The following MACROD2 variants were observed in gnomAD, a reference collection of about 807,000 sequenced individuals.
MACROD2 encodes the protein ADP-ribose glycohydrolase MACROD2.
Under a neutral mutation model 70.4 loss-of-function variants are expected in MACROD2, and 36 were observed. The observed-to-expected ratio is 0.51, with a 90% CI of 0.39 to 0.68. The LOEUF is 0.68. Ranked by LOEUF, MACROD2 falls within the 30% of genes least tolerant of loss-of-function variation. The pLI is 0.00. For missense variants in MACROD2, 496 were observed against 538.4 expected (o/e 0.92, Z 0.78); for synonymous variants, 172 against 178.8 (o/e 0.96, Z 0.30).
intron 5 of MACROD2, among the ~76,000 whole-genome samples, chr20:14,995,656 A>G (rs917528003): frequency 6.6e-6 from 1 of 152,208 alleles, no homozygotes; most frequent in Non-Finnish European, 1.5e-5. Flanking sequence ...CAGTGGAATT[A>G]AGCTAAATAT....
intron 8 of MACROD2, among the ~76,000 whole-genome samples, chr20:15,642,191 A>C (rs1295376522): frequency 6.6e-6 from 1 of 152,230 alleles, no homozygotes; most frequent in African/African-American, 2.4e-5. Flanking sequence ...AGAAGTTTTG[A>C]AATCAGTGTA....
intron 3 of MACROD2, among the ~76,000 whole-genome samples, chr20:14,186,100 T>G (rs936173204): frequency 4.6e-5 from 7 of 152,152 alleles, no homozygotes; most frequent in Non-Finnish European, 1.0e-4. Flanking sequence ...TTCTGACAGA[T>G]GTTTTCAATA....
intron 15 of MACROD2, among the ~76,000 whole-genome samples, chr20:16,014,664 G>A (rs2066906623): frequency 1.3e-5 from 2 of 152,188 alleles, no homozygotes; most frequent in Admixed American, 1.3e-4. Flanking sequence ...TCCCCTTCCT[G>A]TCCCTGGCTC....
chr20:14,780,520 C>G (rs1232655322), intron 5 of MACROD2, among the ~76,000 whole-genome samples: 1 of 150,308 alleles, frequency 6.7e-6, no homozygotes, highest in Non-Finnish European at 1.5e-5. Flanking sequence ...AGAGAGCACT[C>G]CATTGCACTC....
At chr20:14,020,532 A>G (rs2053061497) in intron 2 of MACROD2, among the ~76,000 whole-genome samples, 1 of 152,184 alleles carries the variant, frequency 6.6e-6, no homozygotes, top group Non-Finnish European at 1.5e-5. Context: ...CTTGTTTGTC[A>G]TCTTAATTGT....
intron 5 of MACROD2, among the ~76,000 whole-genome samples, chr20:14,842,421 G>A (rs1260729231): frequency 6.6e-6 from 1 of 151,966 alleles, no homozygotes; most frequent in African/African-American, 2.4e-5. Context: ...ATATTTCACT[G>A]AAACACTTAC....
chr20:15,194,479 T>TA lies in MACROD2; in HGVS notation c.419-35456dup, dbSNP rs2076592664. ...AACTTCTAGACTTACAGAAGGGTTGTAAAAATAACGCAAACAATTCTAGTA... is the reference window on the plus strand; with the variant it reads ...AACTTCTAGACTTACAGAAGGGTTGTAAAAAATAACGCAAACAATTCTAGTA... On this transcript the variant is annotated intron_variant, in intron 5 of 17. Coordinates refer to ENST00000684519, the MANE Select transcript of MACROD2 (RefSeq NM_001351661.2). Among the ~76,000 whole-genome samples, 5 of 152,168 alleles carry TA rather than the reference T, an allele frequency of 3.3e-5. No individual in the cohort carries two copies. The South Asian group carries it at 8.3e-4, about 25-fold the overall frequency.
intron 2 of MACROD2, among the ~76,000 whole-genome samples, chr20:14,073,050 A>G (rs1434937240): frequency 6.6e-6 from 1 of 152,124 alleles, no homozygotes; most frequent in African/African-American, 2.4e-5. Context: ...AGATGAGATT[A>G]CGCGGCTGGG....
At chr20:14,253,205 G>A (rs994888658) in intron 3 of MACROD2, among the ~76,000 whole-genome samples, 2 of 152,046 alleles carry the variant, frequency 1.3e-5, no homozygotes, top group Non-Finnish European at 2.9e-5. Flanking sequence ...GCATTTCAGA[G>A]CTTCCATTTC....
chr20:16,042,724 C>T (rs936463268), intron 16 of MACROD2, among the ~76,000 whole-genome samples: 2 of 152,014 alleles, frequency 1.3e-5, no homozygotes, highest in South Asian at 2.1e-4. Flanking sequence ...GCAGGATGGA[C>T]GGTGGATGAA....
At chr20:15,592,690 T>C (rs1198869258) in intron 8 of MACROD2, among the ~76,000 whole-genome samples, 1 of 152,214 alleles carries the variant, frequency 6.6e-6, no homozygotes, top group Non-Finnish European at 1.5e-5. Flanking sequence ...CCTAATTCCT[T>C]TAGATTTTAT....
At chr20:15,110,633 T>C (rs1291555687) in intron 5 of MACROD2, among the ~76,000 whole-genome samples, 3 of 152,216 alleles carry the variant, frequency 2.0e-5, no homozygotes, top group Admixed American at 2.0e-4. Flanking sequence ...GGCAGTCTTG[T>C]GGCATGTTCT....
chr20:15,565,389 A>G (rs113405126), intron 8 of MACROD2, among the ~76,000 whole-genome samples: 1 of 152,354 alleles, frequency 6.6e-6, no homozygotes, highest in African/African-American at 2.4e-5. Flanking sequence ...TCATGTTTAT[A>G]TGGTGATTAC....
chr20:14,819,917 C>A (rs1310750655), intron 5 of MACROD2, among the ~76,000 whole-genome samples: 1 of 151,958 alleles, frequency 6.6e-6, no homozygotes, highest in Non-Finnish European at 1.5e-5. Context: ...GATGTTGTTC[C>A]CAACCTAAAA....
Position 14,580,550 on chromosome 20 carries a change from A to G in MACROD2, c.301+87042A>G, listed in dbSNP as rs1980942187. Among the ~76,000 whole-genome samples the G allele has an allele frequency of 2.0e-5, 3 of 152,220 alleles. No individual in the cohort carries two copies. In the South Asian group the frequency reaches 6.2e-4, roughly 32 times the overall value. ...TCTTGTATCTGCATTTTGTATTTCAAGACACTCCTGGTGATAACATAAGGA... is the reference window on the plus strand; with the variant it reads ...TCTTGTATCTGCATTTTGTATTTCAGGACACTCCTGGTGATAACATAAGGA... On this transcript the variant is annotated intron_variant, in intron 4 of 17. Coordinates refer to ENST00000684519, the MANE Select transcript of MACROD2 (RefSeq NM_001351661.2).
intron 10 of MACROD2, among the ~76,000 whole-genome samples, chr20:15,900,356 A>G (rs1568627452): frequency 6.6e-6 from 1 of 152,348 alleles, no homozygotes; most frequent in East Asian, 1.9e-4. Flanking sequence ...GTGAAAAATC[A>G]GAATACAATA....
chr20:15,465,905 A>G (rs1568828331), intron 7 of MACROD2, among the ~76,000 whole-genome samples: 1 of 152,192 alleles, frequency 6.6e-6, no homozygotes, highest in Non-Finnish European at 1.5e-5. Context: ...CCCATGCTTA[A>G]TGTATCAGAC....
At chr20:15,527,549 G>A (rs2047737959) in intron 8 of MACROD2, among the ~76,000 whole-genome samples, 1 of 152,152 alleles carries the variant, frequency 6.6e-6, no homozygotes, top group African/African-American at 2.4e-5. Context: ...GATTCCTGAT[G>A]TGTTGCAGCC....
chr20:15,003,974 G>A lies in MACROD2; in HGVS notation c.419-225966G>A, dbSNP rs563513328. ...TGACCCCTGTGGCCCCACCCAGAAG[G>A]TGTTCAGCATGTAGATGGACAGCTT... On this transcript the variant is annotated intron_variant, in intron 5 of 17. Transcript: ENST00000684519. Among the ~76,000 whole-genome samples, 5 of 152,152 alleles carry A rather than the reference G, an allele frequency of 3.3e-5. 1 individual carries two copies. In the South Asian group the frequency reaches 1.0e-3, roughly 32 times the overall value.
Sources: allele counts gnomAD v4.1 joint callset (sites outside exome capture counted in the v4.1 genomes callset), GRCh38; gene constraint gnomAD v4.1.1; transcripts MANE v1.5; gene names NCBI Gene and HGNC (gene_info 2026-07-23, HGNC 2026-07-21).